The following UNC13B variants were observed in gnomAD, a reference collection of about 807,000 sequenced individuals.
UNC13B encodes unc-13 homolog B, also known as protein unc-13 homolog B.
A neutral mutation model predicts 211.0 loss-of-function variants in UNC13B; 144 were observed. The observed-to-expected ratio is 0.68, with a 90% CI of 0.60 to 0.78. The LOEUF (loss-of-function observed/expected upper bound fraction) is 0.78. Ranked by LOEUF, UNC13B falls within the 30% of genes least tolerant of loss-of-function variation. The pLI, the probability that UNC13B is intolerant of heterozygous loss-of-function variation, is 0.00. For synonymous variants in UNC13B, 709 were observed against 725.8 expected, an observed-to-expected ratio of 0.98 and a Z score of 0.37; for missense variants, 1,777 against 2,002.0, an observed-to-expected ratio of 0.89 and a Z score of 2.14.
At chr9:35,288,105 CCACTCTGCCACT>C (rs1828894466) in intron 7 of UNC13B, among the ~76,000 whole-genome samples, 1 of 152,042 alleles carries the variant, frequency 6.6e-6, no homozygotes, top group African/African-American at 2.4e-5. Flanking sequence ...TTCTCTCTAC[CCACTCTGCCACT>C]TCCCTAGTCC....
At chr9:35,348,577 T>C (rs1300353410) in intron 11 of UNC13B, among the ~76,000 whole-genome samples, 1 of 152,188 alleles carries the variant, frequency 6.6e-6, no homozygotes, top group Non-Finnish European at 1.5e-5. Context: ...CTCACTCAAA[T>C]TGTGCCAGTT....
intron 30 of UNC13B, 114 bp downstream of exon 30, chr9:35,397,826 C>A: frequency 9.1e-7 from 1 of 1,096,702 alleles, no homozygotes; most frequent in Non-Finnish European, 1.3e-6. Context: ...TGCCTGATTC[C>A]CACCATGGCT....
intron 1 of UNC13B, 176 bp from the exon 2 acceptor site, chr9:35,227,839 C>G: frequency 2.0e-6 from 1 of 491,974 alleles, no homozygotes; most frequent in Non-Finnish European, 3.6e-6. Context: ...CTTTTAAGGT[C>G]TCGTCTGACT....
chr9:35,237,183 C>T (rs1376817929), intron 4 of UNC13B, among the ~76,000 whole-genome samples: 1 of 152,148 alleles, frequency 6.6e-6, no homozygotes, highest in Admixed American at 6.5e-5. Context: ...TGGACAAAAT[C>T]TGTTATATTC....
chr9:35,205,793 C>A (rs1324150872), intron 1 of UNC13B, among the ~76,000 whole-genome samples: 12 of 152,154 alleles, frequency 7.9e-5, no homozygotes, highest in Admixed American at 7.2e-4. Flanking sequence ...TTTATTCATT[C>A]ATCAGTTGAT....
intron 1 of UNC13B, among the ~76,000 whole-genome samples, chr9:35,185,457 C>A (rs760418347): frequency 1.2e-4 from 18 of 152,194 alleles, no homozygotes; most frequent in Admixed American, 2.0e-4. Flanking sequence ...TTCTCAAATT[C>A]TGCCAAGTTG....
intron 7 of UNC13B, among the ~76,000 whole-genome samples, chr9:35,269,569 G>A (rs999975503): frequency 6.6e-6 from 1 of 152,156 alleles, no homozygotes; most frequent in African/African-American, 2.4e-5. Context: ...AGTTTGTGGG[G>A]TGGGACTGAA....
At chr9:35,377,930 A>C (rs1834541488) in intron 16 of UNC13B, among the ~76,000 whole-genome samples, 1 of 152,052 alleles carries the variant, frequency 6.6e-6, no homozygotes, top group Non-Finnish European at 1.5e-5. Flanking sequence ...CTAACAACCT[A>C]ACGCTGTAGA....
At chr9:35,269,102 A>G (rs970794335) in intron 7 of UNC13B, among the ~76,000 whole-genome samples, 3 of 152,178 alleles carry the variant, frequency 2.0e-5, no homozygotes, top group Non-Finnish European at 2.9e-5. Context: ...CTACAGGTTA[A>G]GGGCTCAGTC....
At chr9:35,267,423 G>T (rs1351793969) in intron 7 of UNC13B, among the ~76,000 whole-genome samples, 1 of 152,214 alleles carries the variant, frequency 6.6e-6, no homozygotes, top group East Asian at 1.9e-4. Flanking sequence ...GCCATGGGCA[G>T]TCACTTCACT....
intron 1 of UNC13B, among the ~76,000 whole-genome samples, chr9:35,184,449 T>G (rs1822216664): frequency 6.6e-6 from 1 of 152,184 alleles, no homozygotes; most frequent in Non-Finnish European, 1.5e-5. Context: ...AGACTCCGTC[T>G]GCAATCCCAG....
chr9:35,401,800 C>T (rs1011657400), intron 37 of UNC13B: 2 of 699,562 alleles, frequency 2.9e-6, no homozygotes, highest in Non-Finnish European at 4.8e-6. Flanking sequence ...GCAGCTCTTT[C>T]ACTTCTTTCT....
At chr9:35,289,644 T>C (rs1564115473) in intron 7 of UNC13B, among the ~76,000 whole-genome samples, 4 of 152,268 alleles carry the variant, frequency 2.6e-5, no homozygotes, top group Middle Eastern at 3.4e-3. Context: ...ATATAGCTAG[T>C]AAATCGCAGA....
chr9:35,231,256 T>G, intron 3 of UNC13B, 37 bp downstream of exon 3: 1 of 1,361,696 alleles, frequency 7.3e-7, no homozygotes, highest in Non-Finnish European at 1.0e-6. Flanking sequence ...CTACATATTT[T>G]ATAATCTTTT....
intron 5 of UNC13B, among the ~76,000 whole-genome samples, chr9:35,239,086 C>T (rs1338228890): frequency 1.3e-5 from 2 of 152,022 alleles, no homozygotes; most frequent in African/African-American, 4.8e-5. Flanking sequence ...AATTTATACT[C>T]TTATAAATTA....
chr9:35,352,625 C>A, intron 11 of UNC13B: 1 of 1,232,044 alleles, frequency 8.1e-7, no homozygotes, highest in Non-Finnish European at 1.0e-6. Context: ...GAGAGAGCAC[C>A]AGGCCCCTGA....
intron 5 of UNC13B, among the ~76,000 whole-genome samples, chr9:35,241,557 GCACA>G (rs3067420): frequency 0.037 from 5,296 of 144,804 alleles, 240 homozygotes; most frequent in African/African-American, 0.11. Flanking sequence ...CTGAATATAA[GCACA>G]CACACACACA....
At chr9:35,260,038 C>CAAAAAAAAA (rs61273217) in intron 7 of UNC13B, among the ~76,000 whole-genome samples, 3 of 64,800 alleles carry the variant, frequency 4.6e-5, no homozygotes, top group Non-Finnish European at 7.5e-5. Flanking sequence ...CTCATTTCTA[C>CAAAAAAAAA]AAAAAAAAAA....
At chr9:35,267,890 A>G (rs1033643171) in intron 7 of UNC13B, among the ~76,000 whole-genome samples, 9 of 152,306 alleles carry the variant, frequency 5.9e-5, no homozygotes, top group African/African-American at 1.9e-4. Context: ...GGGAAATATC[A>G]AGATAACTGG....
Sources: gnomAD v4.1 joint callset for allele counts (sites outside exome capture counted in the v4.1 genomes callset) on GRCh38, gnomAD v4.1.1 for gene constraint, MANE v1.5 for transcripts, NCBI Gene and HGNC (gene_info 2026-07-23, HGNC 2026-07-21) for gene names.